TCF20: variants seen among roughly 807,000 people sequenced by gnomAD.
TCF20 encodes transcription factor 20.
Under a neutral mutation model 148.6 loss-of-function variants are expected in TCF20, and 3 were observed. That is an observed-to-expected ratio of 0.02 (90% CI 0.01 to 0.05). The LOEUF (loss-of-function observed/expected upper bound fraction) is 0.05, where lower values mean the gene tolerates loss of function less well. Among genes scored for constraint, TCF20 ranks in the 10% least tolerant of loss-of-function variants. TCF20 has a pLI of 1.00. For synonymous variants in TCF20, 1,049 were observed against 909.5 expected (o/e 1.15, Z -2.76); for missense variants, 2,350 against 2,429.3 (o/e 0.97, Z 0.69).
chr22:42,213,921 T>C lies in TCF20; in HGVS notation c.1385A>G (p.Gln462Arg). 1 of 1,614,208 alleles carries C rather than the reference T, an allele frequency of 6.2e-7. No individual in the cohort carries two copies. The highest frequency in any genetic ancestry group is 8.5e-7 in the Non-Finnish European group (1 of 1,180,032). ...GLSSLSALST[Q>R]VANLPNTVQH... The stretch of plus-strand genomic sequence containing the variant: ...GACAGTGTTAGGAAGATTGGCCACT[T>C]GAGTACTCAGAGCACTCAAACTACT... Residue 462 changes from glutamine to arginine, a missense_variant, in exon 2 of 6, where the codon CAA becomes CGA. By Grantham distance (43) the Gln-to-Arg change is conservative. Transcript: ENST00000677622.
At chr22:42,217,503 C>A (rs1921933179) in intron 1 of TCF20, among the ~76,000 whole-genome samples, 1 of 152,194 alleles carries the variant, frequency 6.6e-6, no homozygotes, top group South Asian at 2.1e-4. Context: ...TCTCCTCTGA[C>A]TAAAATGTAA....
chr22:42,313,232 G>A (rs116496603), intron 1 of TCF20, among the ~76,000 whole-genome samples: 7,264 of 152,240 alleles, frequency 0.048, 582 homozygotes, highest in African/African-American at 0.17. Context: ...GGATGCAGGC[G>A]AACCCCCTGG....
intron 1 of TCF20, among the ~76,000 whole-genome samples, chr22:42,221,531 C>T (rs1408048808): frequency 1.3e-5 from 2 of 152,078 alleles, no homozygotes; most frequent in Admixed American, 1.3e-4. Flanking sequence ...CTATTTCATG[C>T]ACTATGACAT....
chr22:42,312,866 C>T (rs1235414867), intron 1 of TCF20, among the ~76,000 whole-genome samples: 2 of 152,120 alleles, frequency 1.3e-5, no homozygotes, highest in African/African-American at 4.8e-5. Flanking sequence ...GCCCTGCATG[C>T]CCAATGCCCA....
chr22:42,190,532 C>T (rs1355517850), intron 2 of TCF20, among the ~76,000 whole-genome samples: 6 of 152,164 alleles, frequency 3.9e-5, no homozygotes, highest in Non-Finnish European at 8.8e-5. Context: ...CATTTTGTTA[C>T]TCTCTAGTCC....
intron 2 of TCF20, among the ~76,000 whole-genome samples, chr22:42,188,731 C>T (rs1046868911): frequency 7.9e-5 from 12 of 152,102 alleles, no homozygotes; most frequent in Non-Finnish European, 1.3e-4. Flanking sequence ...TTGATGGTAT[C>T]GACTTCAGAA....
At chr22:42,259,961 A>G (rs906341793) in intron 1 of TCF20, among the ~76,000 whole-genome samples, 8 of 152,230 alleles carry the variant, frequency 5.3e-5, no homozygotes, top group Admixed American at 2.0e-4. Context: ...TTTTAAAAAT[A>G]AATTAATTAA....
rs1417122576 is a variant in TCF20 at position 42,181,856 on chromosome 22, C to G, written c.5656-2154G>C. ...TGAACTCCTGGGCTCAAGCAATTCT[C>G]CCATCTCAGCCTCCAAAAGTGCTAA... On this transcript the variant is annotated intron_variant, in intron 2 of 5. Transcript: ENST00000677622. 1.3e-5 allele frequency among the ~76,000 whole-genome samples: 2 copies of G among 151,804 alleles called. 1 individual carries two copies. The highest frequency in any genetic ancestry group is 2.9e-5 in the Non-Finnish European group (2 of 67,956).
rs562547428 is a variant in TCF20, at chr22:42,299,379, T to C, written c.-37+44100A>G. ...CTCCATCTGCCTCTCACACAGTCCT[T>C]ACCTTGCTCTCCCTCCCCATGGACT... On this transcript the variant is annotated intron_variant, in intron 1 of 1. Transcript: ENST00000515426. This position sits in a 1 kb window ranked among gnomAD's most constrained non-coding sequence, Gnocchi z 4.1. 6.6e-6 allele frequency among the ~76,000 whole-genome samples: 1 copy of C among 152,158 alleles called. No homozygotes were observed. The highest frequency in any genetic ancestry group is 2.4e-5 in the African/African-American group (1 of 41,502).
At chr22:42,329,495 G>A (rs752259520) in intron 1 of TCF20, among the ~76,000 whole-genome samples, 43 of 152,256 alleles carry the variant, frequency 2.8e-4, no homozygotes, top group Admixed American at 5.9e-4. Context: ...AGCGGGGCTC[G>A]AGGCTGGGAG....
rs117205468 is a variant in TCF20 at position 42,325,252 on chromosome 22, G to A, written c.-37+18227C>T. ...CTGTGCTCCCCTGGATGTTCTGGGC[G>A]GGGCCAGGCAAGGAAATGTTCCTCC... On this transcript the variant is annotated intron_variant, in intron 1 of 1. Transcript: ENST00000515426. Among the ~76,000 whole-genome samples, 289 of 152,326 alleles carry A rather than the reference G, an allele frequency of 1.9e-3. 3 individuals are homozygous for A. The highest frequency in any genetic ancestry group is 2.3e-3 in the Non-Finnish European group (154 of 68,028).
intron 1 of TCF20, among the ~76,000 whole-genome samples, chr22:42,331,795 A>G (rs1348032084): frequency 1.3e-5 from 2 of 152,226 alleles, no homozygotes; most frequent in Admixed American, 1.3e-4. Flanking sequence ...CTTGCCTTAC[A>G]TCCTCAGAAT....
chr22:42,193,266 A>T (rs1398177145), intron 2 of TCF20, among the ~76,000 whole-genome samples: 1 of 151,082 alleles, frequency 6.6e-6, no homozygotes, highest in African/African-American at 2.4e-5. Context: ...TCCTCAATAC[A>T]TCTCCTCCTC....
At chr22:42,224,054 A>G (rs1259406411) in intron 1 of TCF20, among the ~76,000 whole-genome samples, 4 of 152,226 alleles carry the variant, frequency 2.6e-5, no homozygotes, top group African/African-American at 9.6e-5. Context: ...AGAATGCTGC[A>G]TATCTAAAAA....
chr22:42,173,255 A>C (rs887395515), intron 3 of TCF20, among the ~76,000 whole-genome samples: 12 of 151,998 alleles, frequency 7.9e-5, no homozygotes, highest in Non-Finnish European at 1.0e-4. Flanking sequence ...AAAAAAAAAA[A>C]AAACAGAGCT....
intron 2 of TCF20, among the ~76,000 whole-genome samples, chr22:42,191,301 T>C (rs1047841098): frequency 1.3e-5 from 2 of 152,222 alleles, no homozygotes; most frequent in African/African-American, 4.8e-5. Flanking sequence ...ATTTTATTAT[T>C]ATTTTTTAGA....
rs1928112511 is a variant in TCF20, at chr22:42,338,771, T to A, written c.-37+4708A>T. 6.6e-6 allele frequency among the ~76,000 whole-genome samples: 1 copy of A among 152,206 alleles called. No homozygotes were observed. The highest frequency in any genetic ancestry group is 1.5e-5 in the Non-Finnish European group (1 of 68,036). ...AACACGTGACTTTCAAAGGGCAATC[T>A]TAATATATCAAAGTCCAGATGACAG... On this transcript the variant is annotated intron_variant, in intron 1 of 1. Coordinates refer to the TCF20 transcript ENST00000515426. This position sits in a 1 kb window ranked among gnomAD's most constrained non-coding sequence, Gnocchi z 4.0.
intron 3 of TCF20, among the ~76,000 whole-genome samples, chr22:42,177,334 G>C (rs774730168): frequency 1.3e-5 from 2 of 152,212 alleles, no homozygotes; most frequent in Non-Finnish European, 2.9e-5. Flanking sequence ...AGAATCACTT[G>C]AATCTGGGAG....
chr22:42,186,814 T>C (rs1264237481), intron 2 of TCF20, among the ~76,000 whole-genome samples: 1 of 152,260 alleles, frequency 6.6e-6, no homozygotes, highest in South Asian at 2.1e-4. Flanking sequence ...TTCTAAAGCA[T>C]TTTGCATTAC....
Sources: allele counts gnomAD v4.1 joint callset (sites outside exome capture counted in the v4.1 genomes callset), GRCh38; gene constraint gnomAD v4.1.1; non-coding constraint Gnocchi (gnomAD v3.1); transcripts MANE v1.5; gene names NCBI Gene and HGNC (gene_info 2026-07-23, HGNC 2026-07-21).